Variants in GALNT11 observed in about 807,000 individuals in gnomAD.
GALNT11 encodes the protein UDP-GalNAc:polypeptide N-acetylgalactosaminyltransferase 11.
Under a neutral mutation model 72.7 loss-of-function variants are expected in GALNT11, and 47 were observed. That is an observed-to-expected ratio of 0.65 (90% CI 0.51 to 0.82). The LOEUF (loss-of-function observed/expected upper bound fraction) is 0.82, where lower values mean the gene tolerates loss of function less well. GALNT11 is among the 40% of genes least tolerant of loss of function. GALNT11 has a pLI of 0.00. For synonymous variants in GALNT11, 270 were observed against 286.6 expected (o/e 0.94, Z 0.58); for missense variants, 677 against 778.4 (o/e 0.87, Z 1.55).
At chr7:152,069,645 C>T (rs2084510838) in intron 1 of GALNT11, among the ~76,000 whole-genome samples, 1 of 152,182 alleles carries the variant, frequency 6.6e-6, no homozygotes. Flanking sequence ...GAACCGACCT[C>T]TTTATCATTA....
At chr7:152,033,006 C>T (rs1027064425) in intron 1 of GALNT11, among the ~76,000 whole-genome samples, 16 of 152,190 alleles carry the variant, frequency 1.1e-4, no homozygotes, top group African/African-American at 3.4e-4. Flanking sequence ...GAGAAGGCCA[C>T]GCCAGTGTCC....
chr7:152,072,408 A>G (rs2084708495), intron 1 of GALNT11, among the ~76,000 whole-genome samples: 1 of 151,998 alleles, frequency 6.6e-6, no homozygotes, highest in African/African-American at 2.4e-5. Flanking sequence ...AATGTTATTG[A>G]TATCTTTTCT....
At chr7:152,041,230 A>G (rs2082845357) in intron 1 of GALNT11, among the ~76,000 whole-genome samples, 1 of 152,096 alleles carries the variant, frequency 6.6e-6, no homozygotes, top group African/African-American at 2.4e-5. Flanking sequence ...TATTTTACCT[A>G]TTTCCCAACT....
chr7:152,121,721 C>A lies in GALNT11; in HGVS notation c.*44C>A, dbSNP rs940089169. ...AACGTTGCTTCATCAGGCGTTGCCT[C>A]CGGTGTGGAGTTTGGGGCTTTAGGA... On this transcript the variant is annotated 3_prime_UTR_variant, in exon 12 of 12. Transcript: ENST00000430044. 5 of 1,595,478 alleles carry A rather than the reference C, an allele frequency of 3.1e-6. No individual in the cohort carries two copies. Among genetic ancestry groups the A allele is most frequent in the Non-Finnish European group, 4.3e-6 (5 of 1,168,474 alleles).
intron 1 of GALNT11, among the ~76,000 whole-genome samples, chr7:152,055,240 A>G (rs1043365331): frequency 6.6e-6 from 1 of 152,210 alleles, no homozygotes; most frequent in Non-Finnish European, 1.5e-5. Flanking sequence ...GGACTTCAAC[A>G]TGAATTTTTA....
intron 1 of GALNT11, among the ~76,000 whole-genome samples, chr7:152,064,959 T>C (rs1450171918): frequency 6.6e-6 from 1 of 152,198 alleles, no homozygotes; most frequent in Non-Finnish European, 1.5e-5. Flanking sequence ...AGGAGTATCT[T>C]TGTGGCGTTC....
At chr7:152,040,347 C>T (rs558212686) in intron 1 of GALNT11, among the ~76,000 whole-genome samples, 3 of 152,218 alleles carry the variant, frequency 2.0e-5, no homozygotes, top group Non-Finnish European at 2.9e-5. Flanking sequence ...TTCCAGTTCT[C>T]GAGAATTAGC....
chr7:152,121,438 G>A (rs1056466987), intron 11 of GALNT11, 108 bp from the exon 12 acceptor site: 1 of 1,331,156 alleles, frequency 7.5e-7, no homozygotes, highest in East Asian at 2.4e-5. Flanking sequence ...GGCTAAGAGG[G>A]GACTATTGTA....
intron 1 of GALNT11, among the ~76,000 whole-genome samples, chr7:152,044,980 G>T (rs1277610516): frequency 6.6e-6 from 1 of 151,818 alleles, no homozygotes; most frequent in Non-Finnish European, 1.5e-5. Context: ...GTTTTTTGAG[G>T]TTTTTATCAT....
chr7:152,092,932 A>G (rs1159083341), intron 1 of GALNT11, among the ~76,000 whole-genome samples: 2 of 152,212 alleles, frequency 1.3e-5, no homozygotes, highest in East Asian at 1.9e-4. Flanking sequence ...GATATCAGAA[A>G]GCTTAGGAGA....
Position 152,107,980 on chromosome 7 carries a change from G to T in GALNT11, c.713-58G>T. On this transcript the variant is annotated intron_variant, in intron 5 of 11. Transcript: ENST00000430044. Reference sequence around the variant, plus strand: ...AGCGCGTCATCCCATTGGACGGGTGGTTGTACCTAAATTGAGTGTTGTGAC... The same window carrying T: ...AGCGCGTCATCCCATTGGACGGGTGTTTGTACCTAAATTGAGTGTTGTGAC... 7 of 1,557,462 alleles carry T rather than the reference G, an allele frequency of 4.5e-6. 1 individual carries two copies. The Admixed American group carries it at 1.1e-4, about 24-fold the overall frequency.
chr7:152,041,732 G>C lies in GALNT11; in HGVS notation c.-39+15848G>C, dbSNP rs566355205. Among the ~76,000 whole-genome samples the C allele has an allele frequency of 2.0e-5, 3 of 152,334 alleles. No individual in the cohort carries two copies. The East Asian group carries it at 5.8e-4, about 29-fold the overall frequency. ...GGATCTCCTCTAAGGATAGAAAATA[G>C]ATTACTCATGGCATAGGTAGGAATG... is the stretch of plus-strand genomic sequence containing the variant. On this transcript the variant is annotated intron_variant, in intron 1 of 11. Coordinates refer to ENST00000430044, the MANE Select transcript of GALNT11 (RefSeq NM_022087.4).
chr7:152,111,657 A>C (rs1040134482), intron 7 of GALNT11, among the ~76,000 whole-genome samples: 3 of 149,548 alleles, frequency 2.0e-5, no homozygotes, highest in Non-Finnish European at 2.9e-5. Flanking sequence ...TTTTTAAATT[A>C]TAAAAGTATT....
intron 1 of GALNT11, among the ~76,000 whole-genome samples, chr7:152,081,632 G>GT (rs1452943366): frequency 6.6e-6 from 1 of 152,164 alleles, no homozygotes; most frequent in Non-Finnish European, 1.5e-5. Context: ...GCATAGTAGT[G>GT]TAAGGCTACT....
At chr7:152,053,273 C>T (rs983170668) in intron 1 of GALNT11, among the ~76,000 whole-genome samples, 2 of 152,152 alleles carry the variant, frequency 1.3e-5, no homozygotes, top group Non-Finnish European at 2.9e-5. Context: ...AATTAATTAC[C>T]TTCCAGTAAC....
chr7:152,076,600 T>C (rs373547333), intron 1 of GALNT11, among the ~76,000 whole-genome samples: 2 of 152,212 alleles, frequency 1.3e-5, no homozygotes, highest in African/African-American at 2.4e-5. Flanking sequence ...AGTCTTCTTA[T>C]CAGTATATTG....
chr7:152,060,627 C>G (rs528475404), intron 1 of GALNT11, among the ~76,000 whole-genome samples: 2 of 152,034 alleles, frequency 1.3e-5, no homozygotes, highest in East Asian at 1.9e-4. Flanking sequence ...CCTCCCCCCC[C>G]TCCACCCCAC....
intron 1 of GALNT11, among the ~76,000 whole-genome samples, chr7:152,088,525 T>C (rs2129031133): frequency 6.6e-6 from 1 of 152,062 alleles, no homozygotes; most frequent in South Asian, 2.1e-4. Flanking sequence ...GGTTTTTTTT[T>C]TTTTTAAGAT....
intron 1 of GALNT11, among the ~76,000 whole-genome samples, chr7:152,093,754 TA>T (rs1390185684): frequency 6.6e-6 from 1 of 152,158 alleles, no homozygotes; most frequent in Admixed American, 6.6e-5. Flanking sequence ...TGCTTATTTT[TA>T]ATAATAGATT....
Sources: allele counts gnomAD v4.1 joint callset (sites outside exome capture counted in the v4.1 genomes callset), GRCh38; gene constraint gnomAD v4.1.1; transcripts MANE v1.5; gene names NCBI Gene and HGNC (gene_info 2026-07-23, HGNC 2026-07-21).